Variants in STRIP2 observed in about 807,000 individuals in gnomAD.
STRIP2 encodes striatin interacting protein 2, also known as striatin-interacting protein 2.
In STRIP2, 84 loss-of-function variants were observed where a neutral mutation model predicts 107.1. The ratio of observed to expected loss-of-function variants is 0.78; its 90% CI spans 0.66 to 0.94. The LOEUF is 0.94. Ranked by LOEUF, STRIP2 falls within the 40% of genes least tolerant of loss-of-function variation. STRIP2 has a pLI of 0.00. For synonymous variants in STRIP2, 394 were observed against 400.4 expected (o/e 0.98, Z 0.19); for missense variants, 888 against 1,034.2 (o/e 0.86, Z 1.94).
chr7:129,449,678 C>G (rs186668322), intron 3 of STRIP2, among the ~76,000 whole-genome samples: 1 of 152,340 alleles, frequency 6.6e-6, no homozygotes, highest in African/African-American at 2.4e-5. Context: ...CCATTCTTTT[C>G]CAATAAATGC....
intron 4 of STRIP2, among the ~76,000 whole-genome samples, chr7:129,452,192 C>T (rs1281771577): frequency 6.6e-6 from 1 of 152,094 alleles, no homozygotes; most frequent in East Asian, 1.9e-4. Context: ...AAGTTCAAGC[C>T]AACATAACTG....
At chr7:129,477,837 A>C (rs1005443299) in intron 18 of STRIP2, 14 of 387,022 alleles carry the variant, frequency 3.6e-5, no homozygotes, top group African/African-American at 1.9e-4. Flanking sequence ...GAAGCCATGC[A>C]TTCCATCTCA....
intron 18 of STRIP2, among the ~76,000 whole-genome samples, chr7:129,472,382 T>A (rs1203490130): frequency 6.6e-6 from 1 of 152,242 alleles, no homozygotes; most frequent in South Asian, 2.1e-4. Context: ...ATAAAATTAC[T>A]GAAATGAAGT....
At chr7:129,445,900 G>A (rs1798021223) in intron 3 of STRIP2, among the ~76,000 whole-genome samples, 1 of 152,126 alleles carries the variant, frequency 6.6e-6, no homozygotes, top group Non-Finnish European at 1.5e-5. Context: ...ACCCTTATCT[G>A]GAGTAAGTGT....
intron 1 of STRIP2, among the ~76,000 whole-genome samples, chr7:129,435,374 G>A (rs571138519): frequency 2.0e-5 from 3 of 152,222 alleles, no homozygotes; most frequent in Admixed American, 2.0e-4. Flanking sequence ...CCATCAGTTG[G>A]ATCTGAGCGG....
At position 129,483,102 on chromosome 7, in the gene STRIP2, TA is replaced by T; in HGVS notation, c.2254+59del. 6.4e-7 allele frequency: 1 copy of T among 1,572,448 alleles called. No individual in the cohort carries two copies. The highest frequency in any genetic ancestry group is 1.2e-5 in the South Asian group (1 of 86,090). Reference sequence around the variant, plus strand: ...GAGTTTCCTGGGGTTTAGACAAAACTAAATAAATATTTATCACTCCTCTTTT... The same window carrying T: ...GAGTTTCCTGGGGTTTAGACAAAACTAATAAATATTTATCACTCCTCTTTT... On this transcript the variant is annotated intron_variant, in intron 20 of 20. Transcript: ENST00000249344. This position sits in a 1 kb window ranked among gnomAD's most constrained non-coding sequence, Gnocchi z 5.1.
At chr7:129,464,245 A>C in intron 15 of STRIP2, 104 bp downstream of exon 15, 1 of 898,010 alleles carries the variant, frequency 1.1e-6, no homozygotes, top group South Asian at 1.4e-5. Flanking sequence ...TTGTCTCCAA[A>C]GAGATCTCCC....
At chr7:129,449,854 T>C (rs542041897) in intron 3 of STRIP2, among the ~76,000 whole-genome samples, 139 of 152,234 alleles carry the variant, frequency 9.1e-4, no homozygotes, top group Non-Finnish European at 1.6e-3. Context: ...TGAGGCTCAG[T>C]ATCTGCTTCT....
rs919629795 is a variant in STRIP2 at position 129,434,750 on chromosome 7, T to G, written c.129+149T>G. ...GCCTGCGGGGTCCTAGCGGCTGAACTCTGGGCTCTTTGGCCCGGACCAGTG... is the reference window on the plus strand; with the variant it reads ...GCCTGCGGGGTCCTAGCGGCTGAACGCTGGGCTCTTTGGCCCGGACCAGTG... On this transcript the variant is annotated intron_variant, in intron 1 of 20. Transcript: ENST00000249344. 8.7e-6 allele frequency: 9 copies of G among 1,038,218 alleles called. No individual in the cohort carries two copies. In the African/African-American group the frequency reaches 1.0e-4, roughly 12 times the overall value. The allele number at this position is 1,038,218 out of a possible 1,614,324, so 64.3% of individuals were successfully genotyped here. A position where few individuals can be genotyped will look rare whatever the true frequency, so the allele number is the denominator to read the frequency against.
At chr7:129,482,270 T>G (rs1799136130) in intron 19 of STRIP2, among the ~76,000 whole-genome samples, 1 of 151,762 alleles carries the variant, frequency 6.6e-6, no homozygotes, top group African/African-American at 2.4e-5. Flanking sequence ...AAATTTTCTT[T>G]TCACTTTATA....
intron 19 of STRIP2, among the ~76,000 whole-genome samples, chr7:129,481,606 A>C (rs1448758746): frequency 6.6e-6 from 1 of 151,898 alleles, no homozygotes; most frequent in Non-Finnish European, 1.5e-5. Context: ...ATAGAATATT[A>C]TGCAATCATT....
intron 18 of STRIP2, among the ~76,000 whole-genome samples, chr7:129,476,935 G>C (rs1047186440): frequency 1.1e-4 from 16 of 151,618 alleles, no homozygotes; most frequent in African/African-American, 3.6e-4. Context: ...CACCTCGGGA[G>C]ACCGAGGCTG....
At chr7:129,470,188 C>T (rs1402325677) in intron 17 of STRIP2, among the ~76,000 whole-genome samples, 1 of 152,158 alleles carries the variant, frequency 6.6e-6, no homozygotes, top group Non-Finnish European at 1.5e-5. Context: ...TAATCATTCC[C>T]CAGAGCTCCC....
chr7:129,447,072 C>G (rs766140310), intron 3 of STRIP2, among the ~76,000 whole-genome samples: 12 of 152,204 alleles, frequency 7.9e-5, no homozygotes, highest in Admixed American at 7.9e-4. Flanking sequence ...GCCAAAGGCA[C>G]CAAACAGCAT....
At chr7:129,439,608 C>T (rs553082313) in intron 1 of STRIP2, among the ~76,000 whole-genome samples, 1 of 152,264 alleles carries the variant, frequency 6.6e-6, no homozygotes, top group South Asian at 2.1e-4. Context: ...CAGCATGAGA[C>T]TTGATCTATA....
chr7:129,456,113 TG>T (rs34295794), intron 8 of STRIP2, among the ~76,000 whole-genome samples: 32,597 of 149,900 alleles, frequency 0.22, 4,072 homozygotes, highest in Non-Finnish European at 0.28. Context: ...AGCACCTGGA[TG>T]GTGTTCCTTA....
chr7:129,463,927 G>C lies in STRIP2; in HGVS notation c.1552-117G>C, dbSNP rs368023467. 14 of 734,520 alleles carry C rather than the reference G, an allele frequency of 1.9e-5. No individual in the cohort carries two copies. The East Asian group carries it at 2.2e-4, about 11-fold the overall frequency. 45.5% of individuals were successfully genotyped at this position (734,520 alleles called of 1,614,324 possible). A position where few individuals can be genotyped will look rare whatever the true frequency, so the allele number is the denominator to read the frequency against. ...TGCTGGGGAGATATGGTCATTGAGG[G>C]AAGAACTTACAGAATGGCTTTAAAA... On this transcript the variant is annotated intron_variant, in intron 14 of 20. Transcript: ENST00000249344.
At position 129,458,238 on chromosome 7, in the gene STRIP2, C is replaced by T; in HGVS notation, c.1062C>T (p.Ser354=). The T allele has an allele frequency of 6.2e-7, 1 of 1,614,178 alleles. No homozygotes were observed. The highest frequency in any genetic ancestry group is 8.5e-7 in the Non-Finnish European group (1 of 1,180,032). The stretch of plus-strand genomic sequence containing the variant: ...AGCAACTCCTCACTAAGCAGGACAG[C>T]CTGGACATCTACAATGAAAGGGATC... The part of the protein sequence containing the change: ...SRRQLLTKQD[S]LDIYNERDLF... Residue 354 remains serine (S), a synonymous_variant, in exon 10 of 21, where the codon AGC becomes AGT. Coordinates refer to ENST00000249344, the MANE Select transcript of STRIP2 (RefSeq NM_020704.3). The surrounding 1 kb of genome is among the most constrained non-coding windows in gnomAD (Gnocchi z 4.6).
intron 14 of STRIP2, among the ~76,000 whole-genome samples, chr7:129,463,789 C>T (rs1055553836): frequency 1.3e-5 from 2 of 152,190 alleles, no homozygotes; most frequent in Non-Finnish European, 2.9e-5. Context: ...GCCACCATGC[C>T]AGGCCCTGGA....
Sources: allele counts gnomAD v4.1 joint callset (sites outside exome capture counted in the v4.1 genomes callset), GRCh38; gene constraint gnomAD v4.1.1; non-coding constraint Gnocchi (gnomAD v3.1); transcripts MANE v1.5; gene names NCBI Gene and HGNC (gene_info 2026-07-23, HGNC 2026-07-21).